MYBPC1: variants seen among roughly 807,000 people sequenced by gnomAD.
MYBPC1 encodes myosin binding protein C1.
MYBPC1 carries 52 observed loss-of-function variants against 147.1 expected under a neutral mutation model. That is an observed-to-expected ratio of 0.35 (90% CI 0.28 to 0.45). MYBPC1 has a LOEUF of 0.45. Ranked by LOEUF, MYBPC1 falls within the 20% of genes least tolerant of loss-of-function variation. MYBPC1 has a pLI of 1.00. For synonymous variants in MYBPC1, 477 were observed against 475.9 expected (o/e 1.00, Z -0.03); for missense variants, 1,228 against 1,440.3 (o/e 0.85, Z 2.39).
chr12:101,666,214 G>C (rs1897379896), intron 22 of MYBPC1: 1 of 165,838 alleles, frequency 6.0e-6, no homozygotes, highest in African/African-American at 2.4e-5. Flanking sequence ...TCAGAACTTG[G>C]ACCCTGGTAA....
At chr12:101,676,375 G>T (rs781192956) in intron 26 of MYBPC1, among the ~76,000 whole-genome samples, 2 of 151,984 alleles carry the variant, frequency 1.3e-5, no homozygotes, top group Non-Finnish European at 1.5e-5. Context: ...GAAGGTGGAG[G>T]TTGTAGTGAG....
At position 101,627,773 on chromosome 12, in the gene MYBPC1, G is replaced by A; in HGVS notation, c.147G>A (p.Leu49=). Residue 49 remains leucine (L), a synonymous_variant, in exon 5 of 32, where the codon TTG becomes TTA. Coordinates refer to ENST00000361466, the MANE Select transcript of MYBPC1 (RefSeq NM_002465.4). ...VSPPSALPPG[L]GSRALERKDS... ...CAAATCACACTTTCCTTTCAGGTTT[G>A]GGTAGTCGGGCCCTGGAGAGAAAAG... is the stretch of plus-strand genomic sequence containing the variant. 2.5e-6 allele frequency: 4 copies of A among 1,613,848 alleles called. No individual in the cohort carries two copies. In the South Asian group the frequency reaches 3.3e-5, roughly 13 times the overall value.
chr12:101,632,953 T>G (rs1305446041), intron 8 of MYBPC1, among the ~76,000 whole-genome samples: 1 of 152,172 alleles, frequency 6.6e-6, no homozygotes, highest in African/African-American at 2.4e-5. Flanking sequence ...CAGCCTAGTC[T>G]CAAACTCCAG....
Position 101,685,685 on chromosome 12 carries a change from G to C in MYBPC1, c.*123G>C. ...CAAGCAATCCTGAGGAATACTGAGG[G>C]AGGGCCTGGCTACTGTCTCTCTGCA... is the stretch of plus-strand genomic sequence containing the variant. On this transcript the variant is annotated 3_prime_UTR_variant, in exon 32 of 32. Coordinates refer to ENST00000361466, the MANE Select transcript of MYBPC1 (RefSeq NM_002465.4). 6.6e-7 allele frequency: 1 copy of C among 1,505,634 alleles called. No individual in the cohort carries two copies. The highest frequency in any genetic ancestry group is 1.4e-5 in the African/African-American group (1 of 72,204). 93.3% of individuals were successfully genotyped at this position (1,505,634 alleles called of 1,614,324 possible). A position where few individuals can be genotyped will look rare whatever the true frequency, so the allele number is the denominator to read the frequency against.
At chr12:101,684,562 A>G in intron 31 of MYBPC1, 138 bp downstream of exon 31, 2 of 684,022 alleles carry the variant, frequency 2.9e-6, no homozygotes, top group Non-Finnish European at 4.9e-6. Context: ...TGTAGTTTTA[A>G]TTTGTATTTC....
At chr12:101,605,264 A>G (rs1881697372) in intron 1 of MYBPC1, among the ~76,000 whole-genome samples, 1 of 152,238 alleles carries the variant, frequency 6.6e-6, no homozygotes, top group Non-Finnish European at 1.5e-5. Context: ...TTGCTTCAAA[A>G]TCAATGTAAG....
At chr12:101,631,244 G>A (rs1185657716) in intron 6 of MYBPC1, among the ~76,000 whole-genome samples, 2 of 151,920 alleles carry the variant, frequency 1.3e-5, no homozygotes, top group African/African-American at 2.4e-5. Context: ...TGCAATAAAA[G>A]TTCACATATA....
intron 3 of MYBPC1, among the ~76,000 whole-genome samples, chr12:101,624,401 A>G (rs1888080280): frequency 6.6e-6 from 1 of 152,170 alleles, no homozygotes; most frequent in African/African-American, 2.4e-5. Flanking sequence ...GCACTTTTTA[A>G]TTAACATTCC....
chr12:101,639,565 G>A (rs1891629064), intron 10 of MYBPC1, among the ~76,000 whole-genome samples: 1 of 152,198 alleles, frequency 6.6e-6, no homozygotes, highest in Non-Finnish European at 1.5e-5. Context: ...TATGAAATTT[G>A]ATATGACTAA....
intron 28 of MYBPC1, among the ~76,000 whole-genome samples, chr12:101,679,004 C>T (rs529849124): frequency 2.0e-5 from 3 of 152,088 alleles, no homozygotes; most frequent in Non-Finnish European, 4.4e-5. Flanking sequence ...GAAAAATTAG[C>T]TGGGCATGGT....
intron 30 of MYBPC1, among the ~76,000 whole-genome samples, chr12:101,683,531 G>C (rs1212521862): frequency 6.6e-6 from 1 of 152,080 alleles, no homozygotes; most frequent in African/African-American, 2.4e-5. Flanking sequence ...TGAAGATTTT[G>C]GACATTTTCA....
intron 3 of MYBPC1, among the ~76,000 whole-genome samples, chr12:101,618,926 G>GTA (rs143229545): frequency 0.12 from 18,311 of 149,046 alleles, 1,269 homozygotes; most frequent in African/African-American, 0.16. Context: ...GCAAATACAT[G>GTA]TATATATATA....
chr12:101,637,054 G>GAA lies in MYBPC1; in HGVS notation c.665+326_665+327insAA, dbSNP rs1891154219. Reference sequence around the variant, plus strand: ...CCTCTAAGACTGCACATATGATTTGGTAGAAGTCTGAAGGTATACACATTG... The same window carrying GAA: ...CCTCTAAGACTGCACATATGATTTGGAATAGAAGTCTGAAGGTATACACATTG... On this transcript the variant is annotated intron_variant, in intron 10 of 31. Transcript: ENST00000361466. 1.8e-4 allele frequency: 53 copies of GAA among 288,888 alleles called. 1 individual carries two copies. The highest frequency in any genetic ancestry group is 5.1e-4 in the East Asian group (6 of 11,726). The allele number at this position is 288,888 out of a possible 1,614,324, so 17.9% of individuals were successfully genotyped here. A position where few individuals can be genotyped will look rare whatever the true frequency, so the allele number is the denominator to read the frequency against.
At chr12:101,660,001 G>T in intron 19 of MYBPC1, 170 bp downstream of exon 19, 1 of 842,554 alleles carries the variant, frequency 1.2e-6, no homozygotes. Context: ...GCTAAGGTCA[G>T]CCATTTGGGG....
chr12:101,661,071 A>T, intron 19 of MYBPC1, 87 bp from the exon 20 acceptor site: 1 of 804,262 alleles, frequency 1.2e-6, no homozygotes, highest in South Asian at 1.5e-5. Context: ...TTCAATGATT[A>T]TCACCAAGAA....
intron 3 of MYBPC1, 100 bp from the exon 4 acceptor site, chr12:101,626,772 T>C (rs1593754372): frequency 6.0e-6 from 6 of 1,003,374 alleles, no homozygotes; most frequent in Non-Finnish European, 9.6e-6. Flanking sequence ...TGAAAGTGTA[T>C]TGTGTGGTTT....
intron 8 of MYBPC1, among the ~76,000 whole-genome samples, chr12:101,633,393 C>G (rs1890307682): frequency 6.6e-6 from 1 of 151,942 alleles, no homozygotes; most frequent in African/African-American, 2.4e-5. Flanking sequence ...TTTGTCTTAA[C>G]GTTAGGATGA....
intron 3 of MYBPC1, among the ~76,000 whole-genome samples, chr12:101,623,196 G>A (rs1887830016): frequency 6.6e-6 from 1 of 152,102 alleles, no homozygotes; most frequent in Non-Finnish European, 1.5e-5. Context: ...AAAATTAGCT[G>A]GGTGTGGTGG....
chr12:101,657,084 A>T (rs1388998163), intron 18 of MYBPC1, among the ~76,000 whole-genome samples: 1 of 152,208 alleles, frequency 6.6e-6, no homozygotes, highest in Non-Finnish European at 1.5e-5. Flanking sequence ...AAAATAGCTG[A>T]AAATCCCTCA....
Sources: gnomAD v4.1 joint callset for allele counts (sites outside exome capture counted in the v4.1 genomes callset) on GRCh38, gnomAD v4.1.1 for gene constraint, MANE v1.5 for transcripts, NCBI Gene and HGNC (gene_info 2026-07-23, HGNC 2026-07-21) for gene names.